The following JAM3 variants were observed in gnomAD, a reference collection of about 807,000 sequenced individuals.
JAM3 encodes junctional adhesion molecule 3.
Under a neutral mutation model 39.4 loss-of-function variants are expected in JAM3, and 31 were observed. The ratio of observed to expected loss-of-function variants is 0.79; its 90% CI spans 0.59 to 1.06. The LOEUF (loss-of-function observed/expected upper bound fraction) is 1.06, where lower values mean the gene tolerates loss of function less well. Ranked by LOEUF, JAM3 falls within the 50% of genes least tolerant of loss-of-function variation. The pLI is 0.00. For missense variants in JAM3, 455 were observed against 391.4 expected (o/e 1.16, Z -1.37); for synonymous variants, 182 against 148.7 (o/e 1.22, Z -1.63).
At chr11:134,090,871 A>C (rs1348529260) in intron 1 of JAM3, among the ~76,000 whole-genome samples, 1 of 152,262 alleles carries the variant, frequency 6.6e-6, no homozygotes, top group East Asian at 1.9e-4. Context: ...GTATACATAC[A>C]CAATATGAAA....
chr11:134,123,382 C>T (rs589131), intron 1 of JAM3, among the ~76,000 whole-genome samples: 150,662 of 151,338 alleles, frequency 1, 74,996 homozygotes, highest in African/African-American at 1. Context: ...CCACCACCCC[C>T]CCCCCCCCAA....
intron 2 of JAM3, 29 bp from the exon 3 acceptor site, chr11:134,140,628 G>A (rs372945214): frequency 1.3e-5 from 21 of 1,578,566 alleles, no homozygotes; most frequent in Admixed American, 1.7e-5. Flanking sequence ...CACATTCACC[G>A]AGAGCTCTTT....
At chr11:134,135,435 G>T (rs1476213293) in intron 1 of JAM3, among the ~76,000 whole-genome samples, 2 of 152,044 alleles carry the variant, frequency 1.3e-5, no homozygotes, top group Non-Finnish European at 2.9e-5. Context: ...TTTGTAATAA[G>T]TTTTGCAATC....
chr11:134,148,084 CTTGT>C (rs760300923), intron 6 of JAM3: 27 of 222,072 alleles, frequency 1.2e-4, no homozygotes, highest in South Asian at 2.8e-4. Context: ...GGATTCTTTA[CTTGT>C]TTGTTTTTTG....
intron 6 of JAM3, among the ~76,000 whole-genome samples, chr11:134,146,442 C>A (rs1247637869): frequency 6.6e-6 from 1 of 152,058 alleles, no homozygotes; most frequent in Admixed American, 6.5e-5. Context: ...TACCTGCAGA[C>A]AAAGCTTAGC....
At chr11:134,121,835 A>C (rs1311388187) in intron 1 of JAM3, among the ~76,000 whole-genome samples, 1 of 152,166 alleles carries the variant, frequency 6.6e-6, no homozygotes, top group African/African-American at 2.4e-5. Flanking sequence ...ACACACACAC[A>C]CACACACACA....
At chr11:134,104,369 G>T (rs558173897) in intron 1 of JAM3, among the ~76,000 whole-genome samples, 55 of 152,246 alleles carry the variant, frequency 3.6e-4, no homozygotes, top group South Asian at 8.3e-4. Context: ...TGTGTAGAGG[G>T]AAATTTATAG....
rs551174528 is a variant in JAM3 at position 134,129,863 on chromosome 11, G to T, written c.77-9988G>T. 2.6e-5 allele frequency among the ~76,000 whole-genome samples: 4 copies of T among 152,184 alleles called. No homozygotes were observed. In the East Asian group the frequency reaches 5.8e-4, roughly 22 times the overall value. On this transcript the variant is annotated intron_variant, in intron 1 of 8. Transcript: ENST00000299106. The stretch of plus-strand genomic sequence containing the variant: ...CTAAAATACAAAAAATTAGCCGGGC[G>T]TGGTGGCAGGCGCCTACAGTCCCAG...
intron 1 of JAM3, among the ~76,000 whole-genome samples, chr11:134,096,251 A>G (rs1941981242): frequency 6.6e-6 from 1 of 152,174 alleles, no homozygotes; most frequent in Non-Finnish European, 1.5e-5. Flanking sequence ...TACAGGCGTG[A>G]GCCACCACAC....
At chr11:134,115,952 C>T (rs937553044) in intron 1 of JAM3, among the ~76,000 whole-genome samples, 3 of 151,938 alleles carry the variant, frequency 2.0e-5, no homozygotes, top group Non-Finnish European at 4.4e-5. Flanking sequence ...AGTGCAGTGC[C>T]CTTCTCATCA....
In JAM3 at chr11:134,117,234, G is replaced by A. The variant is rs74425236; in HGVS notation, c.77-22617G>A. Among the ~76,000 whole-genome samples, 22 of 152,018 alleles carry A rather than the reference G, an allele frequency of 1.4e-4. No homozygotes were observed. The East Asian group carries it at 4.1e-3, about 28-fold the overall frequency. ...AAAAATAAAATAAAATAAAATAACC[G>A]GGGATGGTGGTGGGCACCTGTAATC... is the stretch of plus-strand genomic sequence containing the variant. On this transcript the variant is annotated intron_variant, in intron 1 of 8. Transcript: ENST00000299106.
At chr11:134,148,434 G>C in intron 6 of JAM3, 113 bp from the exon 7 acceptor site, 1 of 1,366,196 alleles carries the variant, frequency 7.3e-7, no homozygotes, top group Non-Finnish European at 1.0e-6. Flanking sequence ...TAGGCCTGAG[G>C]GGGCAGGGGG....
chr11:134,111,848 T>C (rs1448545747), intron 1 of JAM3, among the ~76,000 whole-genome samples: 1 of 152,188 alleles, frequency 6.6e-6, no homozygotes, highest in Non-Finnish European at 1.5e-5. Flanking sequence ...ATCCATAAAT[T>C]AATAAGATAC....
chr11:134,086,150 G>A (rs75362489), intron 1 of JAM3, among the ~76,000 whole-genome samples: 7,195 of 152,200 alleles, frequency 0.047, 637 homozygotes, highest in African/African-American at 0.16. Context: ...AAGATTGTGT[G>A]TGTAAACAGA....
intron 1 of JAM3, among the ~76,000 whole-genome samples, chr11:134,084,773 C>T (rs539093975): frequency 6.6e-6 from 1 of 152,206 alleles, no homozygotes; most frequent in Non-Finnish European, 1.5e-5. Context: ...CTGGATTTCA[C>T]CTAGCAGTGT....
At chr11:134,148,343 T>C (rs1477320209) in intron 6 of JAM3, 4 of 623,874 alleles carry the variant, frequency 6.4e-6, no homozygotes, top group Non-Finnish European at 1.1e-5. Context: ...CTCAGTACTT[T>C]TCACGTGTGA....
chr11:134,148,944 C>G, intron 8 of JAM3, 126 bp downstream of exon 8: 4 of 914,142 alleles, frequency 4.4e-6, no homozygotes, highest in East Asian at 5.2e-5. Context: ...GCTCCTCAGC[C>G]CCTTCACAGT....
intron 1 of JAM3, among the ~76,000 whole-genome samples, chr11:134,112,297 A>G (rs1942328403): frequency 6.6e-6 from 1 of 152,122 alleles, no homozygotes; most frequent in Non-Finnish European, 1.5e-5. Flanking sequence ...CATGTTGACC[A>G]GGCTGGTCTT....
chr11:134,080,908 G>C (rs529294252), intron 1 of JAM3, among the ~76,000 whole-genome samples: 1 of 152,324 alleles, frequency 6.6e-6, no homozygotes, highest in South Asian at 2.1e-4. Flanking sequence ...CCAAAATGCT[G>C]ATATTGATAT....
Sources: gnomAD v4.1 joint callset for allele counts (sites outside exome capture counted in the v4.1 genomes callset) on GRCh38, gnomAD v4.1.1 for gene constraint, MANE v1.5 for transcripts, NCBI Gene and HGNC (gene_info 2026-07-23, HGNC 2026-07-21) for gene names.